Variants in DOCK8 observed in about 807,000 individuals in gnomAD.
DOCK8 encodes dedicator of cytokinesis protein 8.
Under a neutral mutation model 245.6 loss-of-function variants are expected in DOCK8, and 141 were observed. The ratio of observed to expected loss-of-function variants is 0.57; its 90% CI spans 0.50 to 0.66. The LOEUF (loss-of-function observed/expected upper bound fraction) is 0.66. Among genes scored for constraint, DOCK8 ranks in the 30% least tolerant of loss-of-function variants. DOCK8 has a pLI of 0.00. For synonymous variants in DOCK8, 1,168 were observed against 970.2 expected, an observed-to-expected ratio of 1.20 and a Z score of -3.79; for missense variants, 2,965 against 2,603.4, an observed-to-expected ratio of 1.14 and a Z score of -3.02.
chr9:373,026 G>T (rs1309745830), intron 18 of DOCK8, among the ~76,000 whole-genome samples: 1 of 152,144 alleles, frequency 6.6e-6, no homozygotes, highest in Non-Finnish European at 1.5e-5. Flanking sequence ...AATTAGCCGG[G>T]CGTGGTGGCG....
intron 38 of DOCK8, 108 bp downstream of exon 38, chr9:434,083 G>C: frequency 1.2e-6 from 1 of 807,756 alleles, no homozygotes; most frequent in Non-Finnish European, 2.1e-6. Context: ...ATAGTGATTT[G>C]GATGATAGCC....
At chr9:420,017 C>T (rs1586978873) in intron 30 of DOCK8, 3 of 315,260 alleles carry the variant, frequency 9.5e-6, no homozygotes, top group Non-Finnish European at 1.2e-5. Context: ...CTGCCCAGCA[C>T]GAAGGAGAAA....
chr9:338,856 C>G, intron 12 of DOCK8, 150 bp from the exon 13 acceptor site: 1 of 692,092 alleles, frequency 1.4e-6, no homozygotes, highest in Non-Finnish European at 2.6e-6. Context: ...AGAAGTGGAG[C>G]TCAGTGATTT....
intron 27 of DOCK8, among the ~76,000 whole-genome samples, chr9:406,718 C>A (rs1196630163): frequency 2.6e-5 from 4 of 151,998 alleles, no homozygotes; most frequent in African/African-American, 9.7e-5. Flanking sequence ...TTCATCTTTC[C>A]CGCTGGGCAG....
At chr9:363,052 T>G (rs943198769) in intron 14 of DOCK8, among the ~76,000 whole-genome samples, 4 of 152,240 alleles carry the variant, frequency 2.6e-5, no homozygotes, top group Non-Finnish European at 2.9e-5. Context: ...GAGGATTCGT[T>G]GCTAAATCAG....
At chr9:452,146 G>A in intron 46 of DOCK8, 29 bp downstream of exon 46, 1 of 1,441,628 alleles carries the variant, frequency 6.9e-7, no homozygotes, top group South Asian at 1.2e-5. Flanking sequence ...GGGAATTTCA[G>A]TAGAGCAGTG....
chr9:222,784 A>G (rs974265004), intron 1 of DOCK8, among the ~76,000 whole-genome samples: 1 of 152,232 alleles, frequency 6.6e-6, no homozygotes, highest in African/African-American at 2.4e-5. Flanking sequence ...AGATTGTTCA[A>G]ACAACTTAGT....
chr9:224,584 C>A (rs1032658645), intron 1 of DOCK8, among the ~76,000 whole-genome samples: 11 of 152,278 alleles, frequency 7.2e-5, no homozygotes, highest in African/African-American at 2.2e-4. Flanking sequence ...CTTCTTCTCA[C>A]TGCCATACAG....
chr9:275,004 G>C (rs952787847), intron 2 of DOCK8, among the ~76,000 whole-genome samples: 2 of 152,180 alleles, frequency 1.3e-5, no homozygotes, highest in Admixed American at 1.3e-4. Context: ...TGTTGCTGCT[G>C]TTTTGCAAGA....
intron 26 of DOCK8, among the ~76,000 whole-genome samples, chr9:403,533 A>G (rs1328344491): frequency 1.3e-5 from 2 of 152,174 alleles, no homozygotes; most frequent in East Asian, 1.9e-4. Flanking sequence ...TGTAGGCAAT[A>G]TGTCCCACAA....
intron 16 of DOCK8, 148 bp from the exon 17 acceptor site, chr9:371,280 G>A: frequency 1.2e-6 from 1 of 848,676 alleles, no homozygotes; most frequent in South Asian, 1.5e-5. Flanking sequence ...TTGGTCTCAG[G>A]GACTTCCAGC....
At chr9:455,401 C>T (rs768258003) in intron 46 of DOCK8, among the ~76,000 whole-genome samples, 8 of 151,982 alleles carry the variant, frequency 5.3e-5, no homozygotes, top group African/African-American at 1.2e-4. Context: ...CCCAGCTACT[C>T]GAGAGGCTGA....
At chr9:416,057 A>G (rs1324044837) in intron 29 of DOCK8, among the ~76,000 whole-genome samples, 1 of 152,226 alleles carries the variant, frequency 6.6e-6, no homozygotes, top group African/African-American at 2.4e-5. Context: ...TTCTTGAAAA[A>G]AATCCTCTAG....
chr9:402,321 C>G (rs1284116635), intron 26 of DOCK8, among the ~76,000 whole-genome samples: 1 of 152,124 alleles, frequency 6.6e-6, no homozygotes, highest in Admixed American at 6.5e-5. Context: ...ATCCCTAGAC[C>G]AGGAGTCAAG....
At chr9:400,127 T>TC (rs2054751786) in intron 26 of DOCK8, among the ~76,000 whole-genome samples, 3 of 18,624 alleles carry the variant, frequency 1.6e-4, no homozygotes, top group Non-Finnish European at 1.8e-4. Context: ...ACCAGCATCT[T>TC]CACCATCACC....
At chr9:272,343 A>T (rs1471578680) in intron 2 of DOCK8, among the ~76,000 whole-genome samples, 2 of 151,992 alleles carry the variant, frequency 1.3e-5, no homozygotes, top group Non-Finnish European at 2.9e-5. Context: ...TGTCACCATA[A>T]TTTTGCTCTA....
chr9:417,192 C>G (rs1244163743), intron 29 of DOCK8, among the ~76,000 whole-genome samples: 2 of 152,080 alleles, frequency 1.3e-5, no homozygotes, highest in African/African-American at 2.4e-5. Flanking sequence ...ACTCGGGAGG[C>G]TGAGGTAGGA....
intron 1 of DOCK8, among the ~76,000 whole-genome samples, chr9:217,878 G>A (rs2131324837): frequency 6.6e-6 from 1 of 152,258 alleles, no homozygotes; most frequent in South Asian, 2.1e-4. Context: ...ACCAGCAATG[G>A]CAGAGCTGGG....
intron 14 of DOCK8, among the ~76,000 whole-genome samples, chr9:362,483 G>C (rs1342666554): frequency 2.0e-5 from 3 of 152,138 alleles, no homozygotes; most frequent in Non-Finnish European, 4.4e-5. Flanking sequence ...AGCAACTTCA[G>C]CTCCTCATTA....
Sources: allele counts gnomAD v4.1 joint callset (sites outside exome capture counted in the v4.1 genomes callset), GRCh38; gene constraint gnomAD v4.1.1; transcripts MANE v1.5; gene names NCBI Gene and HGNC (gene_info 2026-07-23, HGNC 2026-07-21).